The following MAGI2 variants were observed in gnomAD, a reference collection of about 807,000 sequenced individuals.
The protein encoded by MAGI2 is membrane-associated guanylate kinase, WW and PDZ domain-containing protein 2.
Under a neutral mutation model 133.3 loss-of-function variants are expected in MAGI2, and 35 were observed. The observed-to-expected ratio is 0.26, with a 90% CI of 0.20 to 0.35. The LOEUF (loss-of-function observed/expected upper bound fraction) is 0.35, where lower values mean the gene tolerates loss of function less well. Among genes scored for constraint, MAGI2 ranks in the 10% least tolerant of loss-of-function variants. MAGI2 has a pLI of 1.00. For missense variants in MAGI2, 1,636 were observed against 1,863.4 expected, an observed-to-expected ratio of 0.88 and a Z score of 2.25; for synonymous variants, 729 against 710.6, an observed-to-expected ratio of 1.03 and a Z score of -0.41.
At chr7:79,250,868 C>G (rs915235229) in intron 1 of MAGI2, among the ~76,000 whole-genome samples, 3 of 152,152 alleles carry the variant, frequency 2.0e-5, no homozygotes, top group Non-Finnish European at 4.4e-5. Flanking sequence ...GTAACCAAGA[C>G]AGTGTGGTAC....
chr7:79,144,753 G>C (rs191817926), intron 1 of MAGI2, among the ~76,000 whole-genome samples: 1 of 152,092 alleles, frequency 6.6e-6, no homozygotes. Context: ...TACAAGCAAA[G>C]CTTCCAAAGG....
chr7:78,833,591 G>A (rs1030421169), intron 2 of MAGI2, among the ~76,000 whole-genome samples: 2 of 152,154 alleles, frequency 1.3e-5, no homozygotes, highest in African/African-American at 4.8e-5. Flanking sequence ...TGCCTTTGAC[G>A]GCAAAGTGGG....
intron 1 of MAGI2, among the ~76,000 whole-genome samples, chr7:79,379,376 G>A (rs755961368): frequency 6.6e-6 from 1 of 151,948 alleles, no homozygotes; most frequent in Non-Finnish European, 1.5e-5. Context: ...GGGCATTTGG[G>A]TTGGTTCAAA....
intron 1 of MAGI2, among the ~76,000 whole-genome samples, chr7:79,255,751 A>T (rs903519490): frequency 2.6e-5 from 4 of 152,114 alleles, no homozygotes; most frequent in African/African-American, 9.7e-5. Context: ...AGAACTAGGA[A>T]TCCATCTTAC....
Position 78,587,267 on chromosome 7 carries a change from T to C in MAGI2, c.538+39853A>G, listed in dbSNP as rs960292748. Among the ~76,000 whole-genome samples the C allele has an allele frequency of 2.0e-5, 3 of 152,234 alleles. No homozygotes were observed. The South Asian group carries it at 6.2e-4, about 32-fold the overall frequency. On this transcript the variant is annotated intron_variant, in intron 3 of 21. Coordinates refer to ENST00000354212, the MANE Select transcript of MAGI2 (RefSeq NM_012301.4). ...TTTTCCTTTCCTTATCCCCCCTTTTTTTCTCTTTTGATAATAGTCACCCTA... is the reference window on the plus strand; with the variant it reads ...TTTTCCTTTCCTTATCCCCCCTTTTCTTCTCTTTTGATAATAGTCACCCTA...
intron 1 of MAGI2, among the ~76,000 whole-genome samples, chr7:79,322,612 C>A (rs1017152560): frequency 3.3e-5 from 5 of 151,808 alleles, no homozygotes; most frequent in Non-Finnish European, 5.9e-5. Flanking sequence ...ATGGTGAAAC[C>A]CGTCTCTACT....
At chr7:78,689,113 GT>G (rs963347748) in intron 2 of MAGI2, among the ~76,000 whole-genome samples, 2 of 152,168 alleles carry the variant, frequency 1.3e-5, no homozygotes, top group Non-Finnish European at 2.9e-5. Flanking sequence ...ACAAAGCAGT[GT>G]TAACCATAAT....
intron 4 of MAGI2, 30 bp from the exon 5 acceptor site, chr7:78,501,817 C>T (rs1794652540): frequency 1.3e-6 from 2 of 1,549,242 alleles, no homozygotes; most frequent in Non-Finnish European, 1.8e-6. Flanking sequence ...CGTGGTTAGT[C>T]ACTCCAACCA....
Position 78,853,665 on chromosome 7 carries a change from T to C in MAGI2, c.418+153425A>G, listed in dbSNP as rs114435981. ...GCCACCATGTCTGGCCCATTCTTGATGTAATATCCTGCTCCTGCTCTGACT... is the reference window on the plus strand; with the variant it reads ...GCCACCATGTCTGGCCCATTCTTGACGTAATATCCTGCTCCTGCTCTGACT... On this transcript the variant is annotated intron_variant, in intron 2 of 21. Coordinates refer to ENST00000354212, the MANE Select transcript of MAGI2 (RefSeq NM_012301.4). 2.1e-3 allele frequency among the ~76,000 whole-genome samples: 324 copies of C among 152,198 alleles called. 3 individuals carry two copies. Among genetic ancestry groups the C allele is most frequent in the African/African-American group, 7.5e-3 (311 of 41,556 alleles).
Position 79,062,731 on chromosome 7 carries a change from T to G in MAGI2, c.302-55525A>C, listed in dbSNP as rs76795829. ...TGCACCTCCATGCCAGCGAGGAAGC[T>G]CCTTCCACCTCCTCCCTGTCATCGA... On this transcript the variant is annotated intron_variant, in intron 1 of 21. Transcript: ENST00000354212. Among the ~76,000 whole-genome samples, 8 of 152,228 alleles carry G rather than the reference T, an allele frequency of 5.3e-5. No individual in the cohort carries two copies. The East Asian group carries it at 1.2e-3, about 22-fold the overall frequency.
chr7:79,310,118 C>T (rs144909534), intron 1 of MAGI2, among the ~76,000 whole-genome samples: 3 of 115,648 alleles, frequency 2.6e-5, no homozygotes, highest in East Asian at 2.9e-4. Context: ...AAGCCGAGAT[C>T]GTGCTACTGC....
At chr7:78,288,951 G>A (rs1272523285) in intron 9 of MAGI2, among the ~76,000 whole-genome samples, 8 of 152,136 alleles carry the variant, frequency 5.3e-5, no homozygotes, top group African/African-American at 1.4e-4. Context: ...CCATCTGTAC[G>A]TCACCATCAT....
chr7:78,404,305 T>G (rs1455985838), intron 6 of MAGI2, among the ~76,000 whole-genome samples: 1 of 152,088 alleles, frequency 6.6e-6, no homozygotes, highest in African/African-American at 2.4e-5. Flanking sequence ...CCTCACAGAA[T>G]TGGAAAAAAC....
intron 7 of MAGI2, among the ~76,000 whole-genome samples, chr7:78,361,384 C>T (rs1290115777): frequency 1.9e-5 from 2 of 103,854 alleles, no homozygotes; most frequent in Admixed American, 2.2e-4. Flanking sequence ...CAGAGTGAGA[C>T]TCCATCTCAA....
intron 10 of MAGI2, among the ~76,000 whole-genome samples, chr7:78,213,912 C>A (rs1788016576): frequency 6.6e-6 from 1 of 152,142 alleles, no homozygotes; most frequent in Admixed American, 6.6e-5. Flanking sequence ...TACTACTCCC[C>A]CAACCTCCCC....
intron 10 of MAGI2, among the ~76,000 whole-genome samples, chr7:78,204,258 C>T (rs1295168605): frequency 6.6e-6 from 1 of 152,130 alleles, no homozygotes; most frequent in Non-Finnish European, 1.5e-5. Flanking sequence ...TGCTGCTTGC[C>T]TCACAGATCA....
intron 10 of MAGI2, chr7:78,252,753 A>G (rs1198882985): frequency 2.6e-5 from 4 of 152,278 alleles, no homozygotes; most frequent in Admixed American, 2.6e-4. Flanking sequence ...CATCCTGGCT[A>G]ACACAGTGAA....
At chr7:78,059,777 AT>A (rs10692094) in intron 21 of MAGI2, among the ~76,000 whole-genome samples, 1 of 146,086 alleles carries the variant, frequency 6.8e-6, no homozygotes, top group African/African-American at 2.5e-5. Flanking sequence ...ATATATATAT[AT>A]TTTTTTTCTG....
At chr7:78,944,734 T>C (rs150081071) in intron 2 of MAGI2, among the ~76,000 whole-genome samples, 149 of 150,976 alleles carry the variant, frequency 9.9e-4, no homozygotes, top group African/African-American at 1.9e-3. Context: ...TATTTATTTA[T>C]TTATTTACTT....
Sources: gnomAD v4.1 joint callset for allele counts (sites outside exome capture counted in the v4.1 genomes callset) on GRCh38, gnomAD v4.1.1 for gene constraint, MANE v1.5 for transcripts, NCBI Gene and HGNC (gene_info 2026-07-23, HGNC 2026-07-21) for gene names.